The following AKAP13 variants were observed in gnomAD, a reference collection of about 807,000 sequenced individuals.
AKAP13 encodes the protein A-kinase anchor protein 13.
Under a neutral mutation model 264.5 loss-of-function variants are expected in AKAP13, and 80 were observed. The ratio of observed to expected loss-of-function variants is 0.30; its 90% CI spans 0.25 to 0.36. The LOEUF is 0.36. Ranked by LOEUF, AKAP13 falls within the 10% of genes least tolerant of loss-of-function variation. The probability of loss-of-function intolerance (pLI) is 1.00; values close to 1 mark genes in which losing one functional copy is unlikely to be tolerated. For missense variants in AKAP13, 3,712 were observed against 3,435.2 expected (o/e 1.08, Z -2.01); for synonymous variants, 1,380 against 1,250.2 (o/e 1.10, Z -2.19).
At chr15:85,600,909 C>T (rs1009895754) in intron 8 of AKAP13, among the ~76,000 whole-genome samples, 1 of 152,216 alleles carries the variant, frequency 6.6e-6, no homozygotes, top group Non-Finnish European at 1.5e-5. Flanking sequence ...TGGAACATTT[C>T]CACTGTAGAA....
chr15:85,744,945 A>T lies in AKAP13; in HGVS notation c.*268A>T. 1 of 375,982 alleles carries T rather than the reference A, an allele frequency of 2.7e-6. No individual in the cohort carries two copies. Among genetic ancestry groups the T allele is most frequent in the Non-Finnish European group, 4.8e-6 (1 of 209,590 alleles). The allele number at this position is 375,982 out of a possible 1,614,324, so 23.3% of individuals were successfully genotyped here. A position where few individuals can be genotyped will look rare whatever the true frequency, so the allele number is the denominator to read the frequency against. ...CCCTACTCAGGATTACACTGAAAGT[A>T]ATGGCCTCGTAAGTACAGGTGATGG... On this transcript the variant is annotated 3_prime_UTR_variant, in exon 37 of 37. Transcript: ENST00000394518.
At chr15:85,693,879 T>C (rs72748166) in intron 17 of AKAP13, among the ~76,000 whole-genome samples, 9,395 of 152,300 alleles carry the variant, frequency 0.062, 413 homozygotes, top group Admixed American at 0.16. Context: ...TGTAAGTGTT[T>C]TGAGCATGTT....
Position 85,498,197 on chromosome 15 carries a change from G to GAT in AKAP13, c.33+12445_33+12446insTA, listed in dbSNP as rs1491342478. On this transcript the variant is annotated intron_variant, in intron 2 of 36. Coordinates refer to ENST00000394518, the MANE Select transcript of AKAP13 (RefSeq NM_007200.5). ...TGTGGTAGTAAGGATTAAATGAAGT[G>GAT]AGATATATATATATATATATATATA... Among the ~76,000 whole-genome samples, 142 of 30,084 alleles carry GAT rather than the reference G, an allele frequency of 4.7e-3. 8 individuals are homozygous for GAT. Among genetic ancestry groups the GAT allele is most frequent in the East Asian group, 0.023 (37 of 1,594 alleles). 19.7% of individuals were successfully genotyped at this position (30,084 alleles called of 152,430 possible).
chr15:85,519,551 G>A (rs2076736526), intron 2 of AKAP13, among the ~76,000 whole-genome samples: 1 of 152,148 alleles, frequency 6.6e-6, no homozygotes, highest in African/African-American at 2.4e-5. Flanking sequence ...GTTGCATCAT[G>A]CCAAAGAAGA....
chr15:85,556,103 C>T (rs909157099), intron 5 of AKAP13, among the ~76,000 whole-genome samples: 9 of 152,064 alleles, frequency 5.9e-5, no homozygotes, highest in Non-Finnish European at 7.3e-5. Context: ...AGATTGTGGC[C>T]GTTTCACTTA....
At chr15:85,459,517 T>G (rs573816284) in intron 1 of AKAP13, among the ~76,000 whole-genome samples, 27 of 148,118 alleles carry the variant, frequency 1.8e-4, no homozygotes, top group African/African-American at 6.8e-4. Flanking sequence ...CTTTTTTTTT[T>G]GAGATGGAGT....
chr15:85,539,130 T>G (rs539934551), intron 4 of AKAP13, among the ~76,000 whole-genome samples: 461 of 152,260 alleles, frequency 3.0e-3, no homozygotes, highest in South Asian at 7.3e-3. Flanking sequence ...GTGCCTGGCC[T>G]GTGTTTGTGT....
In AKAP13 at chr15:85,465,913, C is replaced by T. The variant is rs1313867465; in HGVS notation, c.-11-19797C>T. 4.8e-3 allele frequency among the ~76,000 whole-genome samples: 709 copies of T among 147,992 alleles called. 2 individuals are homozygous for T. Among genetic ancestry groups the T allele is most frequent in the Non-Finnish European group, 7.0e-3 (467 of 66,746 alleles). On this transcript the variant is annotated intron_variant, in intron 1 of 36. Transcript: ENST00000394518. ...AAATGGTATTTCTAGTTCTAGATCC[C>T]TGAGGAATCGCCACACTGACTTCCA...
At chr15:85,733,219 A>G (rs989457574) in intron 30 of AKAP13, among the ~76,000 whole-genome samples, 1 of 152,064 alleles carries the variant, frequency 6.6e-6, no homozygotes, top group African/African-American at 2.4e-5. Flanking sequence ...TTGAAAGCCT[A>G]TTTTGCTGAA....
chr15:85,594,028 T>G (rs1278485376), intron 8 of AKAP13, among the ~76,000 whole-genome samples: 3 of 152,196 alleles, frequency 2.0e-5, no homozygotes, highest in African/African-American at 7.2e-5. Flanking sequence ...ATAATAGGCA[T>G]TTTAAATGCA....
At chr15:85,677,270 A>AT (rs907098021) in intron 14 of AKAP13, among the ~76,000 whole-genome samples, 11 of 152,050 alleles carry the variant, frequency 7.2e-5, no homozygotes, top group African/African-American at 2.4e-4. Flanking sequence ...TGGATAGAAC[A>AT]TTTTTTTGTC....
intron 5 of AKAP13, among the ~76,000 whole-genome samples, chr15:85,562,006 C>T (rs2078397565): frequency 6.6e-6 from 1 of 152,186 alleles, no homozygotes; most frequent in Non-Finnish European, 1.5e-5. Context: ...GATCCAAATG[C>T]TGGCTGGCTC....
intron 1 of AKAP13, chr15:85,415,649 C>G (rs1335969476): frequency 2.2e-6 from 3 of 1,376,960 alleles, no homozygotes; most frequent in Non-Finnish European, 3.1e-6. Flanking sequence ...TCCATCATCA[C>G]TTTGGACAGG....
intron 5 of AKAP13, among the ~76,000 whole-genome samples, chr15:85,573,576 T>TA (rs879294735): frequency 2.3e-5 from 2 of 88,750 alleles, no homozygotes; most frequent in African/African-American, 9.5e-5. Flanking sequence ...TAAATAAATA[T>TA]GATATGATAT....
intron 2 of AKAP13, among the ~76,000 whole-genome samples, chr15:85,518,476 G>T (rs1294533861): frequency 6.6e-6 from 1 of 152,142 alleles, no homozygotes; most frequent in Non-Finnish European, 1.5e-5. Context: ...CTCTTCTCTT[G>T]AATATTTTGG....
chr15:85,516,224 G>A (rs922617552), intron 2 of AKAP13, among the ~76,000 whole-genome samples: 1 of 152,158 alleles, frequency 6.6e-6, no homozygotes, highest in Non-Finnish European at 1.5e-5. Flanking sequence ...TTATGTGCCA[G>A]GCACTTGATA....
At chr15:85,680,992 A>G (rs2084564656) in intron 14 of AKAP13, among the ~76,000 whole-genome samples, 1 of 151,930 alleles carries the variant, frequency 6.6e-6, no homozygotes. Context: ...CAATTTGTGT[A>G]TTTTTAGTAG....
chr15:85,568,517 G>A (rs572449725), intron 5 of AKAP13, among the ~76,000 whole-genome samples: 1 of 152,262 alleles, frequency 6.6e-6, no homozygotes, highest in Admixed American at 6.5e-5. Flanking sequence ...AATTGTGGCT[G>A]GAAAAGAACA....
At chr15:85,675,534 T>C (rs1042162010) in intron 14 of AKAP13, among the ~76,000 whole-genome samples, 2 of 152,192 alleles carry the variant, frequency 1.3e-5, no homozygotes, top group East Asian at 1.9e-4. Flanking sequence ...ACCTACTCTT[T>C]TCCGTACACC....
Sources: allele counts gnomAD v4.1 joint callset (sites outside exome capture counted in the v4.1 genomes callset), GRCh38; gene constraint gnomAD v4.1.1; transcripts MANE v1.5; gene names NCBI Gene and HGNC (gene_info 2026-07-23, HGNC 2026-07-21).